The following NARS1 variants were observed in gnomAD, a reference collection of about 807,000 sequenced individuals.
NARS1 encodes asparagine--tRNA ligase, cytoplasmic.
A neutral mutation model predicts 79.2 loss-of-function variants in NARS1; 65 were observed. That is an observed-to-expected ratio of 0.82 (90% CI 0.67 to 1.01). NARS1 has a LOEUF of 1.01. Ranked by LOEUF, NARS1 falls within the 50% of genes least tolerant of loss-of-function variation. The pLI, the probability that NARS1 is intolerant of heterozygous loss-of-function variation, is 0.00. For synonymous variants in NARS1, 229 were observed against 238.8 expected, an observed-to-expected ratio of 0.96 and a Z score of 0.38; for missense variants, 649 against 673.8, an observed-to-expected ratio of 0.96 and a Z score of 0.41.
chr18:57,615,419 G>A (rs575964815), intron 4 of NARS1, among the ~76,000 whole-genome samples: 19 of 151,744 alleles, frequency 1.3e-4, no homozygotes, highest in Admixed American at 7.2e-4. Context: ...GGAGAATGGC[G>A]TGAACCCGGG....
In NARS1 at chr18:57,609,350, C is replaced by T; in HGVS notation, c.579+7G>A. The T allele has an allele frequency of 6.2e-7, 1 of 1,609,280 alleles. No individual in the cohort carries two copies. The highest frequency in any genetic ancestry group is 1.3e-5 in the African/African-American group (1 of 74,936). On this transcript the variant is annotated splice_region_variant and intron_variant, in intron 7 of 13. Coordinates refer to ENST00000256854, the MANE Select transcript of NARS1 (RefSeq NM_004539.4). ...CATTCACCCAGTGCGAAACTCAATC[C>T]ACTCACCTGCTTGCCCTTTGGGGTA...
At chr18:57,621,017 A>C (rs1158995681) in intron 1 of NARS1, among the ~76,000 whole-genome samples, 1 of 152,158 alleles carries the variant, frequency 6.6e-6, no homozygotes. Flanking sequence ...AACCTTTCTG[A>C]GCTTATTTCT....
chr18:57,606,689 T>C lies in NARS1; in HGVS notation c.1064A>G (p.Glu355Gly). The change falls in exon 10 of 14, where the codon GAG becomes GGG. Residue 355 changes from glutamate to glycine, a missense_variant. Coordinates refer to ENST00000256854, the MANE Select transcript of NARS1 (RefSeq NM_004539.4). ...ATCTACCACATCACAAACCAAGTCCTCCAACCGGTTCAGGAGGTCGTCAAA... is the reference window on the plus strand; with the variant it reads ...ATCTACCACATCACAAACCAAGTCCCCCAACCGGTTCAGGAGGTCGTCAAA... ...LTFDDLLNRL[E>G]DLVCDVVDRI... 6.2e-7 allele frequency: 1 copy of C among 1,614,088 alleles called. No homozygotes were observed. Among genetic ancestry groups the C allele is most frequent in the Non-Finnish European group, 8.5e-7 (1 of 1,180,012 alleles).
chr18:57,617,485 T>C (rs576262852), intron 2 of NARS1, among the ~76,000 whole-genome samples: 2 of 142,138 alleles, frequency 1.4e-5, no homozygotes, highest in Admixed American at 1.5e-4. Context: ...GGCAGGAGAA[T>C]GGCGTGAACC....
intron 10 of NARS1, among the ~76,000 whole-genome samples, chr18:57,606,177 C>G (rs2051554601): frequency 6.6e-6 from 1 of 151,582 alleles, no homozygotes; most frequent in South Asian, 2.1e-4. Flanking sequence ...GGTAAAACCC[C>G]ATCTCTACTA....
chr18:57,613,182 G>A (rs1193311863), intron 5 of NARS1, among the ~76,000 whole-genome samples: 1 of 150,650 alleles, frequency 6.6e-6, no homozygotes, highest in Non-Finnish European at 1.5e-5. Context: ...GGGAGTTCAA[G>A]TCTAGCCAGC....
At chr18:57,606,852 A>C in intron 9 of NARS1, 101 bp from the exon 10 acceptor site, 1 of 1,484,218 alleles carries the variant, frequency 6.7e-7, no homozygotes, top group Non-Finnish European at 9.2e-7. Context: ...AATGCCAACA[A>C]TGCTACCAAT....
intron 2 of NARS1, among the ~76,000 whole-genome samples, chr18:57,619,812 G>A (rs928659226): frequency 1.3e-5 from 2 of 151,834 alleles, no homozygotes; most frequent in East Asian, 1.9e-4. Flanking sequence ...CTCAGTCTCC[G>A]GAGTAGCTGG....
intron 7 of NARS1, among the ~76,000 whole-genome samples, chr18:57,608,682 A>G (rs944244381): frequency 6.6e-6 from 1 of 152,214 alleles, no homozygotes; most frequent in Non-Finnish European, 1.5e-5. Flanking sequence ...GAAAAGGCAT[A>G]GTGAATTTGA....
intron 5 of NARS1, among the ~76,000 whole-genome samples, chr18:57,612,034 GGT>G (rs2051608546): frequency 6.6e-6 from 1 of 152,094 alleles, no homozygotes; most frequent in African/African-American, 2.4e-5. Context: ...TGATATTACA[GGT>G]GTGAGCCACT....
At chr18:57,603,044 CAGAGT>C in intron 11 of NARS1, 101 bp from the exon 12 acceptor site, 1 of 1,166,108 alleles carries the variant, frequency 8.6e-7, no homozygotes, top group Non-Finnish European at 1.2e-6. Flanking sequence ...ATCAATTCAA[CAGAGT>C]AGAGGATACA....
rs199629072 is a variant in NARS1 at position 57,615,637 on chromosome 18, T to C, written c.342+4A>G. 2.2e-4 allele frequency: 343 copies of C among 1,593,990 alleles called. No individual in the cohort carries two copies. The highest frequency in any genetic ancestry group is 2.8e-4 in the Non-Finnish European group (328 of 1,163,100). ...ACGGTATTTGAAAAGATAAACAAACTTACACATTTTGGCTCTGGGAGACTT... is the reference window on the plus strand; with the variant it reads ...ACGGTATTTGAAAAGATAAACAAACCTACACATTTTGGCTCTGGGAGACTT... On this transcript the variant is annotated splice_donor_region_variant and intron_variant, in intron 4 of 13. Coordinates refer to ENST00000256854, the MANE Select transcript of NARS1 (RefSeq NM_004539.4).
At chr18:57,609,591 A>G (rs2051588776) in intron 6 of NARS1, 148 bp from the exon 7 acceptor site, 1 of 615,910 alleles carries the variant, frequency 1.6e-6, no homozygotes, top group Middle Eastern at 3.4e-4. Flanking sequence ...TCTTAATATT[A>G]AAATAGATAT....
At position 57,621,816 on chromosome 18, in the gene NARS1, T is replaced by G. The variant is rs1908318855; in HGVS notation, c.-99A>C. On this transcript the variant is annotated 5_prime_UTR_variant, in exon 1 of 14. Coordinates refer to ENST00000256854, the MANE Select transcript of NARS1 (RefSeq NM_004539.4). ...CCGGCGGTTTCCGCGATTCCGGCGT[T>G]GCATCAGAGAGCGTAGATCTGAGGG... 2 of 1,593,384 alleles carry G rather than the reference T, an allele frequency of 1.3e-6. No homozygotes were observed. Among genetic ancestry groups the G allele is most frequent in the Non-Finnish European group, 1.7e-6 (2 of 1,172,562 alleles).
rs532188252 is a variant in NARS1, at chr18:57,607,762, C to G, written c.580-97G>C. ...TAATTTATGTCAAAGTTTTGGTAAG[C>G]TGAGATTTTTAAGAACCTCCTAATT... On this transcript the variant is annotated intron_variant, in intron 7 of 13. Coordinates refer to ENST00000256854, the MANE Select transcript of NARS1 (RefSeq NM_004539.4). 4.6e-5 allele frequency: 48 copies of G among 1,054,876 alleles called. No homozygotes were observed. The African/African-American group carries it at 7.6e-4, about 17-fold the overall frequency. 65.3% of individuals were successfully genotyped at this position (1,054,876 alleles called of 1,614,324 possible).
Position 57,607,433 on chromosome 18 carries a change from T to C in NARS1, c.801+11A>G, listed in dbSNP as rs200248240. 1.7e-5 allele frequency: 28 copies of C among 1,613,130 alleles called. No homozygotes were observed. In the African/African-American group the frequency reaches 3.3e-4, roughly 19 times the overall value. ...CATATTCTTTGCAAAAGCTGACGAA[T>C]GCATACTTACTTCATAGTACCCCCT... On this transcript the variant is annotated intron_variant, in intron 8 of 13. Coordinates refer to ENST00000256854, the MANE Select transcript of NARS1 (RefSeq NM_004539.4).
chr18:57,611,763 T>C (rs1293311334), intron 5 of NARS1, 56 bp from the exon 6 acceptor site: 4 of 944,644 alleles, frequency 4.2e-6, no homozygotes, highest in Non-Finnish European at 5.9e-6. Flanking sequence ...TTAAATTTTA[T>C]ATATATATAT....
In NARS1 at chr18:57,606,613, T is replaced by C. The variant is rs1355606831; in HGVS notation, c.1137+3A>G. On this transcript the variant is annotated splice_donor_region_variant and intron_variant, in intron 10 of 13. Coordinates refer to ENST00000256854, the MANE Select transcript of NARS1 (RefSeq NM_004539.4). The stretch of plus-strand genomic sequence containing the variant: ...TTTTTCTTTCCATAAACACTGCACC[T>C]ACCGGGTTGAGCTCATGCACTATGC... 3 of 1,612,774 alleles carry C rather than the reference T, an allele frequency of 1.9e-6. No individual in the cohort carries two copies. Among genetic ancestry groups the C allele is most frequent in the Non-Finnish European group, 2.5e-6 (3 of 1,179,202 alleles).
chr18:57,619,899 G>A (rs1036530803), intron 2 of NARS1, among the ~76,000 whole-genome samples: 3 of 152,068 alleles, frequency 2.0e-5, no homozygotes, highest in Non-Finnish European at 2.9e-5. Flanking sequence ...AGTTGCCCAA[G>A]CTGGTCTCAA....
Sources: gnomAD v4.1 joint callset for allele counts (sites outside exome capture counted in the v4.1 genomes callset) on GRCh38, gnomAD v4.1.1 for gene constraint, MANE v1.5 for transcripts, NCBI Gene and HGNC (gene_info 2026-07-23, HGNC 2026-07-21) for gene names.